TBK1: variants seen among roughly 807,000 people sequenced by gnomAD.
TBK1 encodes TANK binding kinase 1.
TBK1 carries 37 observed loss-of-function variants against 99.9 expected under a neutral mutation model. The ratio of observed to expected loss-of-function variants is 0.37; its 90% CI spans 0.28 to 0.49. The LOEUF is 0.49. Ranked by LOEUF, TBK1 falls within the 20% of genes least tolerant of loss-of-function variation. The pLI is 0.98. For missense variants in TBK1, 644 were observed against 872.5 expected (o/e 0.74, Z 3.30); for synonymous variants, 258 against 279.8 (o/e 0.92, Z 0.78).
At chr12:64,454,992 T>C (rs10784410) in intron 1 of TBK1, among the ~76,000 whole-genome samples, 812 of 3,820 alleles carry the variant, frequency 0.21, 4 homozygotes, top group Non-Finnish European at 0.35. Flanking sequence ...TTTTTTTTTC[T>C]TTTTTTTTTT....
At chr12:64,459,877 A>G (rs560749753) in intron 2 of TBK1, among the ~76,000 whole-genome samples, 151 of 152,280 alleles carry the variant, frequency 9.9e-4, no homozygotes, top group Non-Finnish European at 1.5e-3. Context: ...TTTTGATACT[A>G]TTATGGCTTT....
intron 5 of TBK1, among the ~76,000 whole-genome samples, chr12:64,469,949 C>T (rs1374522930): frequency 6.6e-6 from 1 of 152,196 alleles, no homozygotes; most frequent in Non-Finnish European, 1.5e-5. Flanking sequence ...GAGGGCACTG[C>T]TTGCCAAGGT....
intron 15 of TBK1, chr12:64,496,043 G>A (rs766669808): frequency 1.5e-5 from 6 of 388,930 alleles, no homozygotes; most frequent in Non-Finnish European, 2.7e-5. Context: ...AGATTGGCCA[G>A]TGGGGACTCA....
At chr12:64,466,428 T>C (rs771799021) in intron 4 of TBK1, among the ~76,000 whole-genome samples, 14 of 152,144 alleles carry the variant, frequency 9.2e-5, no homozygotes, top group Non-Finnish European at 2.1e-4. Flanking sequence ...AGTTTGACAC[T>C]TTGCTGTTTT....
intron 11 of TBK1, among the ~76,000 whole-genome samples, chr12:64,487,109 G>A (rs559221570): frequency 6.6e-6 from 1 of 152,262 alleles, no homozygotes; most frequent in South Asian, 2.1e-4. Flanking sequence ...ATGTAAGATG[G>A]ATGTAATTTT....
intron 4 of TBK1, 86 bp downstream of exon 4, chr12:64,464,549 G>A (rs1592356561): frequency 9.2e-7 from 1 of 1,091,750 alleles, no homozygotes; most frequent in East Asian, 2.9e-5. Flanking sequence ...CAAAACTGAA[G>A]ACCTTTATGC....
chr12:64,496,294 C>T (rs1454633009), intron 15 of TBK1, 73 bp from the exon 16 acceptor site: 3 of 768,518 alleles, frequency 3.9e-6, no homozygotes, highest in East Asian at 3.6e-5. Context: ...AAGCAATAAT[C>T]TCAAAAGAAA....
chr12:64,457,536 C>A (rs1322356703), intron 2 of TBK1, among the ~76,000 whole-genome samples: 1 of 152,156 alleles, frequency 6.6e-6, no homozygotes, highest in Non-Finnish European at 1.5e-5. Flanking sequence ...TATGGCAGAC[C>A]TAGTGAATAT....
At chr12:64,489,804 C>T (rs1417084085) in intron 12 of TBK1, among the ~76,000 whole-genome samples, 1 of 151,208 alleles carries the variant, frequency 6.6e-6, no homozygotes, top group African/African-American at 2.4e-5. Context: ...TCTCCATCTC[C>T]TAACTTCGTG....
chr12:64,501,491 A>G lies in TBK1; in HGVS notation c.*110A>G, dbSNP rs1254572774. The G allele has an allele frequency of 8.9e-7, 1 of 1,118,580 alleles. No homozygotes were observed. Among genetic ancestry groups the G allele is most frequent in the Non-Finnish European group, 1.3e-6 (1 of 763,898 alleles). 69.3% of individuals were successfully genotyped at this position (1,118,580 alleles called of 1,614,324 possible). On this transcript the variant is annotated 3_prime_UTR_variant, in exon 21 of 21. Transcript: ENST00000331710. ...ACTTGTTTCTACAATTCAGTATTTG[A>G]TGTGGTCGTGTAAATATGTACAATA...
chr12:64,500,057 TC>T (rs1565825840), intron 20 of TBK1, among the ~76,000 whole-genome samples: 2 of 152,218 alleles, frequency 1.3e-5, no homozygotes. Context: ...AATCCCAACT[TC>T]CTAAACCACA....
At chr12:64,495,926 TAAAAAAAA>T in intron 15 of TBK1, 151 bp downstream of exon 15, 1 of 386,018 alleles carries the variant, frequency 2.6e-6, no homozygotes, top group Non-Finnish European at 4.5e-6. Flanking sequence ...TTGATTGTGT[TAAAAAAAA>T]AAAAAAAAAC....
At position 64,490,100 on chromosome 12, in the gene TBK1, T is replaced by C. The variant is rs1355067264; in HGVS notation, c.1502T>C (p.Ile501Thr). 1.2e-6 allele frequency: 2 copies of C among 1,611,196 alleles called. No individual in the cohort carries two copies. Among genetic ancestry groups the C allele is most frequent in the South Asian group, 1.1e-5 (1 of 90,714 alleles). The change falls in exon 13 of 21, where the codon ATA (isoleucine) becomes ACA (threonine). Residue 501 changes from isoleucine (I) to threonine (T), a missense_variant. By Grantham distance (89) the Ile-to-Thr change is moderately conservative. Around this residue, in one of 3 missense-constraint regions of TBK1, gnomAD observed 465 missense variants for 588.0 expected, o/e 0.79. Coordinates refer to ENST00000331710, the MANE Select transcript of TBK1 (RefSeq NM_013254.4). ...EAAELGEISD[I>T]HTKLLRLSSS... ...GCAGAGTTAGGTGAAATTTCAGACATACACACCAAATTGTTGAGAGTAAGT... is the reference window on the plus strand; with the variant it reads ...GCAGAGTTAGGTGAAATTTCAGACACACACACCAAATTGTTGAGAGTAAGT...
rs757563404 is a variant in TBK1 at position 64,496,964 on chromosome 12, C to T, written c.1776C>T (p.Tyr592=). ...IHKFDKQKLY[Y]HATKAMTHFT... is the part of the protein sequence containing the mutation. ...TAAATTACAGGCAAAAACTGTATTA[C>T]CATGCCACAAAAGCTATGACGCACT... The change falls in exon 17 of 21, where the codon TAC becomes TAT. Residue 592 remains tyrosine (Y), a synonymous_variant. Transcript: ENST00000331710. 1.2e-6 allele frequency: 2 copies of T among 1,612,062 alleles called. No individual in the cohort carries two copies. The highest frequency in any genetic ancestry group is 1.7e-6 in the Non-Finnish European group (2 of 1,178,930).
Position 64,501,403 on chromosome 12 carries a change from A to G in TBK1, c.*22A>G. On this transcript the variant is annotated 3_prime_UTR_variant, in exon 21 of 21. Transcript: ENST00000331710. ...TTAGCTTTCTAATAGAAGTTTAAGAAAAGTTTCCGTTTGCACAAGAAAATA... is the reference window on the plus strand; with the variant it reads ...TTAGCTTTCTAATAGAAGTTTAAGAGAAGTTTCCGTTTGCACAAGAAAATA... The G allele has an allele frequency of 6.2e-7, 1 of 1,611,864 alleles. No individual in the cohort carries two copies. The highest frequency in any genetic ancestry group is 8.5e-7 in the Non-Finnish European group (1 of 1,179,468).
intron 9 of TBK1, among the ~76,000 whole-genome samples, chr12:64,485,015 T>G (rs1592369323): frequency 6.6e-6 from 1 of 152,350 alleles, no homozygotes; most frequent in East Asian, 1.9e-4. Context: ...CAAAATTACC[T>G]TTTATATCAT....
intron 11 of TBK1, among the ~76,000 whole-genome samples, chr12:64,486,447 T>C (rs572612884): frequency 6.6e-6 from 1 of 152,202 alleles, no homozygotes; most frequent in East Asian, 1.9e-4. Flanking sequence ...TTTTTTTTTT[T>C]TCTTTTTGAG....
rs771153396 is a variant in TBK1, at chr12:64,466,929, T to A, written c.387T>A (p.Asn129Lys). 6.2e-7 allele frequency: 1 copy of A among 1,602,980 alleles called. No homozygotes were observed. Among genetic ancestry groups the A allele is most frequent in the Non-Finnish European group, 8.5e-7 (1 of 1,174,870 alleles). ...VVGGMNHLRE[N>K]GIVHRDIKPG... ...GTGGAATGAATCATCTACGAGAGAA[T>A]GGTATAGTGCACCGTGATATCAAGC... Residue 129 changes from asparagine to lysine, a missense_variant, in exon 5 of 21, where the codon AAT becomes AAA. Asn to Lys is a moderately conservative substitution (Grantham distance 94). Around this residue, in one of 3 missense-constraint regions of TBK1, gnomAD observed 148 missense variants for 202.1 expected, o/e 0.73. Transcript: ENST00000331710.
At position 64,474,494 on chromosome 12, in the gene TBK1, A is replaced by C. The variant is rs2040693143; in HGVS notation, c.701+104A>C. The C allele has an allele frequency of 7.9e-6, 9 of 1,145,928 alleles. No homozygotes were observed. The South Asian group carries it at 1.5e-4, about 19-fold the overall frequency. The allele number at this position is 1,145,928 out of a possible 1,614,324, so 71.0% of individuals were successfully genotyped here. Reference sequence around the variant, plus strand: ...TTATGCTAATAAAAATTGATTTAACAATCATTTCTGATATTTTAAGCTACC... The same window carrying C: ...TTATGCTAATAAAAATTGATTTAACCATCATTTCTGATATTTTAAGCTACC... On this transcript the variant is annotated intron_variant, in intron 6 of 20. Transcript: ENST00000331710.
Sources: gnomAD v4.1 joint callset for allele counts (sites outside exome capture counted in the v4.1 genomes callset) on GRCh38, gnomAD v4.1.1 for gene constraint, gnomAD v4.1.1 regional missense constraint, MANE v1.5 for transcripts, NCBI Gene and HGNC (gene_info 2026-07-23, HGNC 2026-07-21) for gene names.